The following CFAP44 variants were observed in gnomAD, a reference collection of about 807,000 sequenced individuals.
The protein encoded by CFAP44 is cilia- and flagella-associated protein 44.
A neutral mutation model predicts 216.2 loss-of-function variants in CFAP44; 134 were observed. That is an observed-to-expected ratio of 0.62 (90% confidence interval 0.54 to 0.72). The LOEUF (loss-of-function observed/expected upper bound fraction) is 0.72. CFAP44 is among the 30% of genes least tolerant of loss of function. The pLI is 0.00. For synonymous variants in CFAP44, 700 were observed against 727.6 expected, an observed-to-expected ratio of 0.96 and a Z score of 0.61; for missense variants, 2,035 against 2,182.1, an observed-to-expected ratio of 0.93 and a Z score of 1.34.
intron 27 of CFAP44, among the ~76,000 whole-genome samples, chr3:113,327,377 T>C (rs1950197711): frequency 6.6e-6 from 1 of 152,104 alleles, no homozygotes; most frequent in Non-Finnish European, 1.5e-5. Flanking sequence ...AAAATTTTAT[T>C]CTTCTACCTT....
At chr3:113,366,769 T>TG (rs1393327779) in intron 18 of CFAP44, among the ~76,000 whole-genome samples, 1 of 152,206 alleles carries the variant, frequency 6.6e-6, no homozygotes, top group African/African-American at 2.4e-5. Context: ...TTGCCTCACC[T>TG]GGGAAGCGCA....
intron 15 of CFAP44, among the ~76,000 whole-genome samples, chr3:113,390,723 CA>C (rs1933773941): frequency 6.6e-6 from 1 of 151,508 alleles, no homozygotes; most frequent in South Asian, 2.1e-4. Context: ...AAAAAGAAAT[CA>C]AAAAAGTAAT....
At chr3:113,394,086 C>G (rs1933923647) in intron 15 of CFAP44, among the ~76,000 whole-genome samples, 1 of 152,166 alleles carries the variant, frequency 6.6e-6, no homozygotes, top group East Asian at 1.9e-4. Flanking sequence ...AAAGATAGTA[C>G]AGAGAGGTAT....
chr3:113,344,594 G>C lies in CFAP44; in HGVS notation c.3184C>G (p.Gln1062Glu), dbSNP rs1390904014. The change falls in exon 23 of 35, where the codon CAA becomes GAA. Residue 1062 changes from glutamine to glutamate, a missense_variant. Physicochemically the swap from Gln to Glu is conservative, Grantham distance 29. Coordinates refer to ENST00000393845, the MANE Select transcript of CFAP44 (RefSeq NM_001164496.2). ...AATTTGCTTGGTTTTCTCTCTGATT[G>C]ACTAGCTCGTTTGAATTTGGAGTAC... ...SKYSKFKRAS[Q>E]SERKPSKLDR... 1.3e-6 allele frequency: 2 copies of C among 1,536,884 alleles called. No individual in the cohort carries two copies. The highest frequency in any genetic ancestry group is 1.4e-5 in the African/African-American group (1 of 72,986).
Position 113,341,908 on chromosome 3 carries a change from A to G in CFAP44, c.3273T>C (p.Val1091=). ...KDSQRDAGGS[V]TIQEESIIEK... ...CTATTATTGATTCTTCTTGTATGGT[A>G]ACACTCCCACCTACATAGAGAATCA... The change falls in exon 24 of 35, where the codon GTT becomes GTC. Residue 1091 remains valine, a synonymous_variant. Coordinates refer to ENST00000393845, the MANE Select transcript of CFAP44 (RefSeq NM_001164496.2). The G allele has an allele frequency of 6.5e-7, 1 of 1,528,834 alleles. No individual in the cohort carries two copies. The highest frequency in any genetic ancestry group is 1.4e-5 in the African/African-American group (1 of 72,596). The allele number at this position is 1,528,834 out of a possible 1,614,324, so 94.7% of individuals were successfully genotyped here.
At chr3:113,353,346 A>G (rs1950462893) in intron 22 of CFAP44, among the ~76,000 whole-genome samples, 1 of 151,002 alleles carries the variant, frequency 6.6e-6, no homozygotes, top group South Asian at 2.1e-4. Flanking sequence ...TTGATAGAAT[A>G]GAAGCCCAGA....
Position 113,390,146 on chromosome 3 carries a change from T to A in CFAP44, c.1890+5604A>T, listed in dbSNP as rs577916154. On this transcript the variant is annotated intron_variant, in intron 15 of 34. Transcript: ENST00000393845. ...AACAACACATTAAAAAGATCATTCATCATGGCCAAGTGGGAATTATCCCAG... is the reference window on the plus strand; with the variant it reads ...AACAACACATTAAAAAGATCATTCAACATGGCCAAGTGGGAATTATCCCAG... Among the ~76,000 whole-genome samples, 4 of 152,200 alleles carry A rather than the reference T, an allele frequency of 2.6e-5. No homozygotes were observed. In the East Asian group the frequency reaches 7.7e-4, roughly 29 times the overall value.
chr3:113,366,996 C>A (rs562740834), intron 18 of CFAP44, among the ~76,000 whole-genome samples: 1 of 151,686 alleles, frequency 6.6e-6, no homozygotes, highest in Non-Finnish European at 1.5e-5. Context: ...GAGGCTGCAG[C>A]CCGGCGGGTG....
At chr3:113,429,101 A>T (rs1325648313) in intron 2 of CFAP44, 2 of 152,144 alleles carry the variant, frequency 1.3e-5, no homozygotes, top group Non-Finnish European at 2.9e-5. Flanking sequence ...GAACTAAATT[A>T]TAATTTATTA....
rs1289945125 is a variant in CFAP44, at chr3:113,411,989, G to C, written c.674-2667C>G. On this transcript the variant is annotated intron_variant, in intron 6 of 34. Coordinates refer to ENST00000393845, the MANE Select transcript of CFAP44 (RefSeq NM_001164496.2). ...CTTGTGATTTTTGCACACTGATTTTGTATCCTGAGACTTTGCTGAAGTTGC... is the reference window on the plus strand; with the variant it reads ...CTTGTGATTTTTGCACACTGATTTTCTATCCTGAGACTTTGCTGAAGTTGC... Among the ~76,000 whole-genome samples, 5 of 152,100 alleles carry C rather than the reference G, an allele frequency of 3.3e-5. No individual in the cohort carries two copies. In the East Asian group the frequency reaches 9.7e-4, roughly 29 times the overall value.
chr3:113,430,960 C>T (rs1576609768), intron 2 of CFAP44, among the ~76,000 whole-genome samples: 1 of 152,136 alleles, frequency 6.6e-6, no homozygotes, highest in South Asian at 2.1e-4. Context: ...CTGGTACACT[C>T]GACCTAAATT....
intron 5 of CFAP44, among the ~76,000 whole-genome samples, chr3:113,419,159 T>C (rs572594886): frequency 1.4e-3 from 207 of 152,356 alleles, no homozygotes; most frequent in Non-Finnish European, 2.7e-3. Flanking sequence ...CCCCTGCAGA[T>C]GGTGTGGACC....
At chr3:113,318,831 T>G (rs746663994) in intron 28 of CFAP44, among the ~76,000 whole-genome samples, 1 of 152,016 alleles carries the variant, frequency 6.6e-6, no homozygotes, top group Non-Finnish European at 1.5e-5. Flanking sequence ...GCCATACTGT[T>G]TCATAAGTGA....
At chr3:113,341,656 A>C in intron 24 of CFAP44, 88 bp downstream of exon 24, 2 of 1,250,620 alleles carry the variant, frequency 1.6e-6, no homozygotes, top group Non-Finnish European at 2.1e-6. Flanking sequence ...AAATGATAAC[A>C]ATGTCAATAA....
At position 113,401,644 on chromosome 3, in the gene CFAP44, AT is replaced by A; in HGVS notation, c.1265del (p.Asn422MetfsTer2). The A allele has an allele frequency of 1.2e-6, 2 of 1,613,556 alleles. No individual in the cohort carries two copies. Among genetic ancestry groups the A allele is most frequent in the Non-Finnish European group, 1.7e-6 (2 of 1,179,712 alleles). Reference sequence around the variant, plus strand: ...TTTTTATCATAGAGAAGAGATTCACATTCTTGTCTACTTGAAGTTCATTAAT... The same window carrying A: ...TTTTTATCATAGAGAAGAGATTCACATCTTGTCTACTTGAAGTTCATTAAT... ...EPINELQVDKNVNLFSMIKMN... is the reference protein window; with the variant it reads ...EPINELQVDKXVNLFSMIKMN... On this transcript the variant is annotated frameshift_variant, in exon 10 of 35. Coordinates refer to ENST00000393845, the MANE Select transcript of CFAP44 (RefSeq NM_001164496.2). LOFTEE classifies it high-confidence loss of function.
chr3:113,346,065 G>A (rs1164760804), intron 22 of CFAP44, among the ~76,000 whole-genome samples: 2 of 152,206 alleles, frequency 1.3e-5, no homozygotes, highest in African/African-American at 2.4e-5. Flanking sequence ...TGGGGACTTG[G>A]AGAACTTTTC....
chr3:113,387,523 C>T (rs1423965097), intron 15 of CFAP44, among the ~76,000 whole-genome samples: 6 of 151,752 alleles, frequency 4.0e-5, no homozygotes, highest in Non-Finnish European at 7.4e-5. Context: ...GCTTGGGCCC[C>T]GAATAATCAA....
rs1421314517 is a variant in CFAP44 at position 113,358,689 on chromosome 3, T to G, written c.3065+56A>C. On this transcript the variant is annotated intron_variant, in intron 22 of 34. Transcript: ENST00000393845. ...ACTTCACTGACACTACTATAAACTA[T>G]GTTATTCACACATGTGCTCTCAAAC... The G allele has an allele frequency of 5.2e-6, 8 of 1,527,832 alleles. No homozygotes were observed. In the East Asian group the frequency reaches 1.7e-4, roughly 33 times the overall value. The allele number at this position is 1,527,832 out of a possible 1,614,324, so 94.6% of individuals were successfully genotyped here.
chr3:113,436,378 CA>C (rs995545676), intron 1 of CFAP44, among the ~76,000 whole-genome samples: 1 of 152,102 alleles, frequency 6.6e-6, no homozygotes, highest in Non-Finnish European at 1.5e-5. Flanking sequence ...TAATTTAGGT[CA>C]ATTTAATTCT....
Sources: gnomAD v4.1 joint callset for allele counts (sites outside exome capture counted in the v4.1 genomes callset) on GRCh38, gnomAD v4.1.1 for gene constraint, MANE v1.5 for transcripts, NCBI Gene and HGNC (gene_info 2026-07-23, HGNC 2026-07-21) for gene names.